Variants in ITFG1 observed in about 807,000 individuals in gnomAD.
The protein encoded by ITFG1 is integrin alpha FG-GAP repeat containing 1.
A neutral mutation model predicts 81.8 loss-of-function variants in ITFG1; 34 were observed. The observed-to-expected ratio is 0.42, with a 90% CI of 0.32 to 0.55. The LOEUF (loss-of-function observed/expected upper bound fraction) is 0.55, where lower values mean the gene tolerates loss of function less well. Among genes scored for constraint, ITFG1 ranks in the 20% least tolerant of loss-of-function variants. ITFG1 has a pLI of 0.17. For synonymous variants in ITFG1, 285 were observed against 270.6 expected, an observed-to-expected ratio of 1.05 and a Z score of -0.52; for missense variants, 672 against 755.4, an observed-to-expected ratio of 0.89 and a Z score of 1.29.
At chr16:47,398,102 A>G (rs1320579719) in intron 6 of ITFG1, among the ~76,000 whole-genome samples, 1 of 152,218 alleles carries the variant, frequency 6.6e-6, no homozygotes, top group Non-Finnish European at 1.5e-5. Flanking sequence ...ACATTTGACC[A>G]CACACACAGT....
intron 5 of ITFG1, among the ~76,000 whole-genome samples, chr16:47,444,209 C>G (rs1829303778): frequency 6.6e-6 from 1 of 152,040 alleles, no homozygotes; most frequent in African/African-American, 2.4e-5. Flanking sequence ...TAATGTAAAT[C>G]AGATAAAACT....
intron 6 of ITFG1, among the ~76,000 whole-genome samples, chr16:47,422,320 C>T (rs561335535): frequency 1.3e-5 from 2 of 152,328 alleles, no homozygotes; most frequent in Admixed American, 6.5e-5. Flanking sequence ...CCTATTTCTC[C>T]ACATCCTCTC....
At chr16:47,170,437 T>G (rs201918366) in intron 14 of ITFG1, among the ~76,000 whole-genome samples, 2 of 152,056 alleles carry the variant, frequency 1.3e-5, no homozygotes, top group African/African-American at 4.8e-5. Flanking sequence ...GAACACTTTT[T>G]TTTTTTTTTG....
At chr16:47,220,026 C>T (rs1288972122) in intron 13 of ITFG1, among the ~76,000 whole-genome samples, 1 of 152,224 alleles carries the variant, frequency 6.6e-6, no homozygotes, top group African/African-American at 2.4e-5. Context: ...GTTGTCTCTA[C>T]ATTCTTATCT....
intron 7 of ITFG1, among the ~76,000 whole-genome samples, chr16:47,368,233 C>CA (rs1968202784): frequency 9.1e-6 from 1 of 109,504 alleles, no homozygotes; most frequent in African/African-American, 4.1e-5. Context: ...GACTCCGTCT[C>CA]AATTAAAAAA....
At chr16:47,365,683 C>T in intron 8 of ITFG1, 105 bp downstream of exon 8, 1 of 676,788 alleles carries the variant, frequency 1.5e-6, no homozygotes, top group Non-Finnish European at 2.6e-6. Flanking sequence ...GCTCTGAAGA[C>T]CCTGGAGTTA....
chr16:47,320,771 G>A (rs568367858), intron 8 of ITFG1, among the ~76,000 whole-genome samples: 2 of 152,098 alleles, frequency 1.3e-5, no homozygotes, highest in Non-Finnish European at 2.9e-5. Context: ...TAATACAGTG[G>A]TATGCTCTGC....
intron 14 of ITFG1, among the ~76,000 whole-genome samples, chr16:47,193,894 A>G (rs1965322539): frequency 2.6e-5 from 4 of 152,226 alleles, no homozygotes; most frequent in Admixed American, 1.3e-4. Flanking sequence ...TTACCAAGTT[A>G]TTCAGAAATT....
intron 5 of ITFG1, among the ~76,000 whole-genome samples, chr16:47,434,810 A>G (rs2151611742): frequency 6.6e-6 from 1 of 152,332 alleles, no homozygotes; most frequent in Non-Finnish European, 1.5e-5. Flanking sequence ...AATGTGGTAC[A>G]TGTATACACC....
intron 8 of ITFG1, among the ~76,000 whole-genome samples, chr16:47,314,900 C>T (rs1967328629): frequency 1.3e-5 from 2 of 151,882 alleles, no homozygotes; most frequent in African/African-American, 4.8e-5. Flanking sequence ...TACTTACGTA[C>T]TGAGAGCTAT....
chr16:47,410,166 C>G (rs1968791864), intron 6 of ITFG1, among the ~76,000 whole-genome samples: 1 of 152,064 alleles, frequency 6.6e-6, no homozygotes, highest in Non-Finnish European at 1.5e-5. Flanking sequence ...GTAGTCCCAG[C>G]TACTCAGAAG....
chr16:47,274,031 T>C (rs1285986406), intron 10 of ITFG1, among the ~76,000 whole-genome samples: 1 of 152,094 alleles, frequency 6.6e-6, no homozygotes, highest in Non-Finnish European at 1.5e-5. Context: ...CCGAGGTAGG[T>C]GGACTGCTTG....
chr16:47,286,540 T>C (rs946156449), intron 10 of ITFG1, among the ~76,000 whole-genome samples: 1 of 151,674 alleles, frequency 6.6e-6, no homozygotes, highest in Non-Finnish European at 1.5e-5. Flanking sequence ...CTTGGGAGGC[T>C]GAGGCAGGAG....
In ITFG1 at chr16:47,260,559, CA is replaced by C; in HGVS notation, c.1206del (p.Phe402LeufsTer12). 2 of 1,614,122 alleles carry C rather than the reference CA, an allele frequency of 1.2e-6. No individual in the cohort carries two copies. The highest frequency in any genetic ancestry group is 1.7e-6 in the Non-Finnish European group (2 of 1,180,020). On this transcript the variant is annotated frameshift_variant, in exon 11 of 18. Transcript: ENST00000320640. LOFTEE classifies it high-confidence loss of function. ...QIKDAMVATF[F>X]DIYEDGILDI... ...TCTGAACTCACATCTTCGTAAATGT[CA>C]AAGAAGGTGGCAACCATGGCATCCT...
intron 10 of ITFG1, among the ~76,000 whole-genome samples, chr16:47,280,179 C>T (rs1346013340): frequency 3.7e-4 from 56 of 152,250 alleles, no homozygotes; most frequent in Non-Finnish European, 1.6e-4. Flanking sequence ...AGAACACAAA[C>T]TTGCCTTATT....
intron 14 of ITFG1, among the ~76,000 whole-genome samples, chr16:47,174,607 G>A (rs1040064378): frequency 2.6e-5 from 4 of 151,812 alleles, no homozygotes; most frequent in African/African-American, 7.3e-5. Flanking sequence ...TGCAGCCTCC[G>A]CCTCCCACGT....
rs149470617 is a variant in ITFG1, at chr16:47,204,945, T to C, written c.1453+13923A>G. Among the ~76,000 whole-genome samples the C allele has an allele frequency of 3.8e-3, 581 of 152,346 alleles. 1 individual carries two copies. Among genetic ancestry groups the C allele is most frequent in the Non-Finnish European group, 5.6e-3 (381 of 68,030 alleles). ...AAACTCATATGCTGAGCCAGCACTT[T>C]GCTAAACTATCAAAAGACAGGTCCC... On this transcript the variant is annotated intron_variant, in intron 14 of 17. Transcript: ENST00000320640.
intron 14 of ITFG1, among the ~76,000 whole-genome samples, chr16:47,189,313 A>C (rs1440025885): frequency 1.3e-5 from 2 of 152,132 alleles, no homozygotes; most frequent in Non-Finnish European, 2.9e-5. Context: ...CCAATTCCAG[A>C]ATATTTTCAT....
chr16:47,317,304 T>G (rs1967375035), intron 8 of ITFG1, among the ~76,000 whole-genome samples: 1 of 152,216 alleles, frequency 6.6e-6, no homozygotes, highest in Admixed American at 6.5e-5. Flanking sequence ...AAAGTGTTAT[T>G]GTTCTTGTCA....
Sources: allele counts gnomAD v4.1 joint callset (sites outside exome capture counted in the v4.1 genomes callset), GRCh38; gene constraint gnomAD v4.1.1; transcripts MANE v1.5; gene names NCBI Gene and HGNC (gene_info 2026-07-23, HGNC 2026-07-21).